Variants in PPP2R3B observed in about 807,000 individuals in gnomAD.
PPP2R3B encodes the protein protein phosphatase 2 regulatory subunit B''beta.
In PPP2R3B, 68 loss-of-function variants were observed where a neutral mutation model predicts 72.9. The observed-to-expected ratio is 0.93, with a 90% confidence interval of 0.77 to 1.14. The LOEUF is 1.14. Among genes scored for constraint, PPP2R3B ranks in the 50% most tolerant of loss-of-function variants. The probability of loss-of-function intolerance (pLI) is 0.00; values close to 1 mark genes in which losing one functional copy is unlikely to be tolerated. For synonymous variants in PPP2R3B, 466 were observed against 375.8 expected, an observed-to-expected ratio of 1.24 and a Z score of -2.78; for missense variants, 1,018 against 842.0, an observed-to-expected ratio of 1.21 and a Z score of -2.59.
chrX:356,770 C>A (rs1413583770), intron 2 of PPP2R3B, among the ~76,000 whole-genome samples: 1 of 147,446 alleles, frequency 6.8e-6, no homozygotes, highest in South Asian at 2.1e-4. Flanking sequence ...ACTGCCCATA[C>A]GGCCAGGGAC....
chrX:339,301 C>T (rs1233074943), intron 10 of PPP2R3B, among the ~76,000 whole-genome samples: 1 of 137,418 alleles, frequency 7.3e-6, no homozygotes, highest in Non-Finnish European at 1.6e-5. Context: ...GGGCGGTGCC[C>T]GGGCCTCAGA....
intron 2 of PPP2R3B, among the ~76,000 whole-genome samples, chrX:348,682 T>C (rs1569389664): frequency 6.6e-6 from 1 of 152,122 alleles, no homozygotes; most frequent in Non-Finnish European, 1.5e-5. Flanking sequence ...GTCAGATGAC[T>C]GCTGAAACAG....
intron 1 of PPP2R3B, among the ~76,000 whole-genome samples, chrX:370,549 C>T (rs772406336): frequency 6.6e-6 from 1 of 152,320 alleles, no homozygotes; most frequent in Admixed American, 6.5e-5. Context: ...CTCCCTGCGT[C>T]CACAAGCCCC....
intron 1 of PPP2R3B, chrX:374,117 C>A (rs2071936322): frequency 6.6e-6 from 1 of 150,980 alleles, no homozygotes; most frequent in Non-Finnish European, 1.5e-5. Context: ...ATCAACAGGT[C>A]CCCGAGAGGA....
intron 2 of PPP2R3B, among the ~76,000 whole-genome samples, chrX:357,724 T>C (rs867546015): frequency 1.3e-5 from 2 of 152,052 alleles, no homozygotes; most frequent in Middle Eastern, 6.8e-3. Flanking sequence ...CCAACAACGT[T>C]TGAAGGAAAT....
chrX:336,312 G>A (rs1241561417), intron 12 of PPP2R3B: 1 of 152,266 alleles, frequency 6.6e-6, no homozygotes. Context: ...TGGACACACA[G>A]AGGAACCACG....
Position 371,141 on chromosome X carries a change from G to C in PPP2R3B, c.325-9551C>G, listed in dbSNP as rs184560331. 2.8e-3 allele frequency among the ~76,000 whole-genome samples: 423 copies of C among 152,226 alleles called. 7 individuals are homozygous for C. Among genetic ancestry groups the C allele is most frequent in the African/African-American group, 9.3e-3 (386 of 41,550 alleles). ...AGAAGGCCCGAGAATCCCTGGGCAG[G>C]AGGCGCAGGCAGTGGCTCCGGCAAG... On this transcript the variant is annotated intron_variant, in intron 1 of 12. Coordinates refer to ENST00000390665, the MANE Select transcript of PPP2R3B (RefSeq NM_013239.5).
chrX:354,190 CG>C (rs776908830), intron 2 of PPP2R3B, among the ~76,000 whole-genome samples: 2 of 140,744 alleles, frequency 1.4e-5, no homozygotes, highest in Admixed American at 1.4e-4. Flanking sequence ...ACCCAAACAC[CG>C]GGGGCTCACC....
intron 7 of PPP2R3B, 84 bp downstream of exon 7, chrX:345,430 GGA>G: frequency 6.4e-7 from 1 of 1,559,770 alleles, no homozygotes; most frequent in Non-Finnish European, 8.8e-7. Flanking sequence ...GAGTGCGGAA[GGA>G]GAGGCAGCTG....
rs73613862 is a variant in PPP2R3B at position 338,299 on chromosome X, G to A, written c.1577+305C>T. 8.5e-3 allele frequency: 4,591 copies of A among 542,148 alleles called. 168 individuals carry two copies. Among genetic ancestry groups the A allele is most frequent in the African/African-American group, 0.078 (4,094 of 52,660 alleles). The allele number at this position is 542,148 out of a possible 1,614,324, so 33.6% of individuals were successfully genotyped here. On this transcript the variant is annotated intron_variant, in intron 12 of 12. Coordinates refer to ENST00000390665, the MANE Select transcript of PPP2R3B (RefSeq NM_013239.5). ...CAGCCGTGGGATAAGGACAGACGTC[G>A]TTGGCGAAACACGACTCGGCCTCCC...
chrX:338,725 C>T lies in PPP2R3B; in HGVS notation c.1471-15G>A, dbSNP rs191515961. 7,204 of 1,611,720 alleles carry T rather than the reference C, an allele frequency of 4.5e-3. 30 individuals carry two copies. The highest frequency in any genetic ancestry group is 5.5e-3 in the Non-Finnish European group (6,506 of 1,179,456). On this transcript the variant is annotated splice_polypyrimidine_tract_variant and intron_variant, in intron 11 of 12. Coordinates refer to ENST00000390665, the MANE Select transcript of PPP2R3B (RefSeq NM_013239.5). ...CTGTCACCGTCCTGGAGGAAGCACACGGGTTACGTACACGGCGTGGCGCGG... is the reference window on the plus strand; with the variant it reads ...CTGTCACCGTCCTGGAGGAAGCACATGGGTTACGTACACGGCGTGGCGCGG...
At chrX:357,753 G>C (rs1378492832) in intron 2 of PPP2R3B, among the ~76,000 whole-genome samples, 2 of 152,192 alleles carry the variant, frequency 1.3e-5, no homozygotes, top group African/African-American at 4.8e-5. Context: ...AGAAAAGTGT[G>C]TTTTCCTGTG....
At chrX:345,181 G>C (rs1181667697) in intron 7 of PPP2R3B, 2 of 566,272 alleles carry the variant, frequency 3.5e-6, no homozygotes, top group African/African-American at 1.9e-5. Flanking sequence ...GAGGGAAGGC[G>C]TGTGGCCTGC....
chrX:353,950 G>GGGGCTCACCCAAAGACCA (rs1460958503), intron 2 of PPP2R3B, among the ~76,000 whole-genome samples: 25 of 140,466 alleles, frequency 1.8e-4, no homozygotes, highest in Admixed American at 3.4e-4. Context: ...CCAGGGAGCA[G>GGGGCTCACCCAAAGACCA]GGGCTCACCC....
intron 12 of PPP2R3B, chrX:337,295 T>G (rs1030239898): frequency 1.4e-4 from 22 of 152,208 alleles, no homozygotes; most frequent in Admixed American, 8.5e-4. Flanking sequence ...TTGGCCAGGA[T>G]GGTCTCGATC....
intron 1 of PPP2R3B, among the ~76,000 whole-genome samples, chrX:374,202 G>A (rs1041754794): frequency 6.6e-6 from 1 of 152,128 alleles, no homozygotes; most frequent in East Asian, 1.9e-4. Flanking sequence ...CCAGGCGAAG[G>A]CGCTCCCCGC....
chrX:342,957 G>A (rs1376422584), intron 7 of PPP2R3B, among the ~76,000 whole-genome samples: 1 of 11,102 alleles, frequency 9.0e-5, no homozygotes, highest in Non-Finnish European at 1.7e-4. Flanking sequence ...GTGAGACCTC[G>A]CCAACGGGAG....
intron 12 of PPP2R3B, chrX:338,256 A>T: frequency 4.4e-6 from 2 of 456,216 alleles, no homozygotes; most frequent in Non-Finnish European, 8.1e-6. Context: ...CGGGCCCTGC[A>T]GCCTGCCCAG....
chrX:362,640 C>A (rs2071566144), intron 1 of PPP2R3B, among the ~76,000 whole-genome samples: 1 of 152,078 alleles, frequency 6.6e-6, no homozygotes, highest in Admixed American at 6.6e-5. Context: ...TCCTCCTCAA[C>A]CAACTGCCAT....
Sources: gnomAD v4.1 joint callset for allele counts (sites outside exome capture counted in the v4.1 genomes callset) on GRCh38, gnomAD v4.1.1 for gene constraint, MANE v1.5 for transcripts, NCBI Gene and HGNC (gene_info 2026-07-23, HGNC 2026-07-21) for gene names.